The following PARD3B variants were observed in gnomAD, a reference collection of about 807,000 sequenced individuals.
PARD3B encodes the protein par-3 family cell polarity regulator beta, also known as partitioning defective 3 homolog B.
PARD3B carries 103 observed loss-of-function variants against 130.2 expected under a neutral mutation model. The observed-to-expected ratio is 0.79, with a 90% confidence interval of 0.67 to 0.93. The LOEUF is 0.93. Ranked by LOEUF, PARD3B falls within the 40% of genes least tolerant of loss-of-function variation. The pLI is 0.00. For synonymous variants in PARD3B, 583 were observed against 553.2 expected (o/e 1.05, Z -0.76); for missense variants, 1,609 against 1,499.2 (o/e 1.07, Z -1.21).
rs58267787 is a variant in PARD3B at position 205,178,143 on chromosome 2, TAAAAAAAAAAAAA to T, written c.1924+1589_1924+1601del. On this transcript the variant is annotated intron_variant, in intron 13 of 22. Transcript: ENST00000406610. ...CAACATGGCAAAATCCCATCTGTAC[TAAAAAAAAAAAAA>T]AAAAAAAAAAAAAAAAAAAAAATTA... is the stretch of plus-strand genomic sequence containing the variant. Among the ~76,000 whole-genome samples, 31 of 20,790 alleles carry T rather than the reference TAAAAAAAAAAAAA, an allele frequency of 1.5e-3. 1 individual carries two copies. In the East Asian group the frequency reaches 0.028, roughly 19 times the overall value. 13.6% of individuals were successfully genotyped at this position (20,790 alleles called of 152,430 possible). A position where few individuals can be genotyped will look rare whatever the true frequency, so the allele number is the denominator to read the frequency against.
intron 2 of PARD3B, among the ~76,000 whole-genome samples, chr2:204,690,565 A>T (rs1165030672): frequency 1.3e-5 from 2 of 152,092 alleles, no homozygotes; most frequent in African/African-American, 4.8e-5. Flanking sequence ...CCAGCGAAGA[A>T]TGTAGCTGGC....
At chr2:205,489,422 A>G (rs529093468) in intron 20 of PARD3B, among the ~76,000 whole-genome samples, 4 of 151,556 alleles carry the variant, frequency 2.6e-5, no homozygotes, top group South Asian at 4.2e-4. Flanking sequence ...GGTTACAATC[A>G]GCTATTATCA....
At chr2:205,393,545 G>C (rs1387343010) in intron 18 of PARD3B, among the ~76,000 whole-genome samples, 1 of 152,202 alleles carries the variant, frequency 6.6e-6, no homozygotes, top group Non-Finnish European at 1.5e-5. Flanking sequence ...TACAGACTTT[G>C]TTTCAAACTT....
chr2:205,295,296 A>G (rs1252484809), intron 16 of PARD3B, among the ~76,000 whole-genome samples: 2 of 152,212 alleles, frequency 1.3e-5, no homozygotes, highest in African/African-American at 2.4e-5. Context: ...GCTCATAATA[A>G]GGCAAGGCCA....
chr2:204,706,689 A>G (rs1201630096), intron 2 of PARD3B, among the ~76,000 whole-genome samples: 3 of 152,180 alleles, frequency 2.0e-5, no homozygotes, highest in Admixed American at 6.5e-5. Flanking sequence ...GCCATCTGAA[A>G]TAAAGAGGGA....
chr2:204,936,028 A>G (rs1012583569), intron 2 of PARD3B, among the ~76,000 whole-genome samples: 9 of 152,232 alleles, frequency 5.9e-5, no homozygotes, highest in African/African-American at 2.2e-4. Context: ...AGAATGTAAG[A>G]TTTTGTTCAA....
At chr2:204,691,266 C>A (rs1056768044) in intron 2 of PARD3B, among the ~76,000 whole-genome samples, 1 of 152,078 alleles carries the variant, frequency 6.6e-6, no homozygotes, top group Non-Finnish European at 1.5e-5. Flanking sequence ...ACATGGCAGT[C>A]TATCACATCT....
intron 2 of PARD3B, among the ~76,000 whole-genome samples, chr2:204,936,883 G>A (rs529881282): frequency 6.6e-6 from 1 of 152,232 alleles, no homozygotes; most frequent in Non-Finnish European, 1.5e-5. Context: ...CATAGAATTT[G>A]ATATATAAGA....
chr2:204,774,926 T>C (rs1299026456), intron 2 of PARD3B, among the ~76,000 whole-genome samples: 2 of 152,156 alleles, frequency 1.3e-5, no homozygotes, highest in Admixed American at 1.3e-4. Context: ...CTCAGTGCTT[T>C]CACAGATCAG....
intron 22 of PARD3B, among the ~76,000 whole-genome samples, chr2:205,566,889 T>C (rs985124445): frequency 2.0e-5 from 3 of 152,244 alleles, no homozygotes; most frequent in African/African-American, 7.2e-5. Context: ...AAGGCTTATC[T>C]ATCACTGTCT....
At position 205,440,671 on chromosome 2, in the gene PARD3B, A is replaced by T; in HGVS notation, c.3043A>T (p.Ser1015Cys). The T allele has an allele frequency of 6.2e-7, 1 of 1,610,430 alleles. No homozygotes were observed. The highest frequency in any genetic ancestry group is 2.2e-5 in the East Asian group (1 of 44,814). Residue 1015 changes from serine (S) to cysteine (C), a missense_variant and splice_region_variant, in exon 20 of 23, where the codon AGT becomes TGT. Transcript: ENST00000406610. The surrounding 1 kb of genome is among the most constrained non-coding windows in gnomAD (Gnocchi z 4.2). ...ATACCATCCACTGGTTCCAGCTGACAGGTAATAAACTTAGTGAAAGATAAA... is the reference window on the plus strand; with the variant it reads ...ATACCATCCACTGGTTCCAGCTGACTGGTAATAAACTTAGTGAAAGATAAA... ...KPYHPLVPADSGRPTGGSTDR... is the reference protein window; with the variant it reads ...KPYHPLVPADCGRPTGGSTDR...
intron 2 of PARD3B, among the ~76,000 whole-genome samples, chr2:204,752,247 G>A (rs754923011): frequency 1.6e-4 from 24 of 152,044 alleles, no homozygotes; most frequent in Non-Finnish European, 2.9e-4. Flanking sequence ...CTGCTATGGG[G>A]CAATCTTTAT....
chr2:205,293,966 C>T (rs954393292), intron 16 of PARD3B, among the ~76,000 whole-genome samples: 1 of 152,084 alleles, frequency 6.6e-6, no homozygotes, highest in Non-Finnish European at 1.5e-5. Context: ...CACACTGGTC[C>T]ATTTATTTGA....
intron 11 of PARD3B, among the ~76,000 whole-genome samples, chr2:205,165,029 A>T (rs941708726): frequency 2.0e-5 from 3 of 152,156 alleles, no homozygotes; most frequent in African/African-American, 4.8e-5. Flanking sequence ...CATAAAAACC[A>T]CCACCAAGAA....
intron 20 of PARD3B, among the ~76,000 whole-genome samples, chr2:205,445,648 G>A (rs954559427): frequency 6.6e-6 from 1 of 152,152 alleles, no homozygotes; most frequent in Non-Finnish European, 1.5e-5. Context: ...CAACACTGGG[G>A]ATTACAATTT....
chr2:205,164,229 A>G (rs1042978731), intron 11 of PARD3B, among the ~76,000 whole-genome samples: 8 of 152,238 alleles, frequency 5.3e-5, no homozygotes, highest in Non-Finnish European at 7.3e-5. Flanking sequence ...AAATGTTAGC[A>G]TATGTTAATT....
At chr2:205,039,862 C>A (rs1698270959) in intron 3 of PARD3B, among the ~76,000 whole-genome samples, 1 of 152,142 alleles carries the variant, frequency 6.6e-6, no homozygotes, top group African/African-American at 2.4e-5. Context: ...AGAATGTGGC[C>A]CTGCCATAGG....
intron 21 of PARD3B, among the ~76,000 whole-genome samples, chr2:205,535,747 C>T (rs2051823355): frequency 1.3e-5 from 2 of 152,192 alleles, no homozygotes; most frequent in South Asian, 4.1e-4. Context: ...GCTCTGTGCT[C>T]TCTGCTTTGC....
At chr2:205,104,327 C>A in intron 4 of PARD3B, 99 bp from the exon 5 acceptor site, 1 of 798,486 alleles carries the variant, frequency 1.3e-6, no homozygotes, top group South Asian at 1.5e-5. Context: ...TGTATATATC[C>A]AGCGTAAAGC....
Sources: allele counts gnomAD v4.1 joint callset (sites outside exome capture counted in the v4.1 genomes callset), GRCh38; gene constraint gnomAD v4.1.1; non-coding constraint Gnocchi (gnomAD v3.1); transcripts MANE v1.5; gene names NCBI Gene and HGNC (gene_info 2026-07-23, HGNC 2026-07-21).